Variants in ENAH observed in about 807,000 individuals in gnomAD.
ENAH encodes the protein ENAH actin regulator.
Under a neutral mutation model 78.7 loss-of-function variants are expected in ENAH, and 23 were observed. The ratio of observed to expected loss-of-function variants is 0.29; its 90% CI spans 0.21 to 0.41. ENAH has a LOEUF of 0.41. Ranked by LOEUF, ENAH falls within the 10% of genes least tolerant of loss-of-function variation. The probability of loss-of-function intolerance (pLI) is 1.00; values close to 1 mark genes in which losing one functional copy is unlikely to be tolerated. For missense variants in ENAH, 544 were observed against 691.0 expected (o/e 0.79, Z 2.39); for synonymous variants, 226 against 241.0 (o/e 0.94, Z 0.58).
At chr1:225,593,098 CTATCA>C (rs578055065) in intron 1 of ENAH, among the ~76,000 whole-genome samples, 34 of 152,158 alleles carry the variant, frequency 2.2e-4, no homozygotes, top group East Asian at 9.6e-4. Context: ...ATAGCTATAA[CTATCA>C]TATAACAAAA....
At chr1:225,497,852 A>G (rs1401981148) in intron 13 of ENAH, 40 bp from the exon 14 acceptor site, 1 of 1,552,896 alleles carries the variant, frequency 6.4e-7, no homozygotes, top group Non-Finnish European at 8.9e-7. Flanking sequence ...AAATATAATG[A>G]TAAAGTAAGA....
At chr1:225,519,803 A>G (rs889439203) in intron 4 of ENAH, among the ~76,000 whole-genome samples, 3 of 152,170 alleles carry the variant, frequency 2.0e-5, no homozygotes, top group African/African-American at 7.2e-5. Context: ...CTAACATTTC[A>G]TTTTATTCTG....
intron 3 of ENAH, among the ~76,000 whole-genome samples, chr1:225,546,737 T>A (rs138112778): frequency 6.6e-6 from 1 of 152,302 alleles, no homozygotes; most frequent in African/African-American, 2.4e-5. Flanking sequence ...CCTTTTATAC[T>A]GTAATTAACC....
At chr1:225,644,216 T>C (rs1005924696) in intron 1 of ENAH, among the ~76,000 whole-genome samples, 16 of 152,174 alleles carry the variant, frequency 1.1e-4, no homozygotes, top group African/African-American at 3.9e-4. Flanking sequence ...TAAAATCTGT[T>C]CAAAATCTGT....
chr1:225,620,178 T>C (rs1656546342), intron 1 of ENAH, among the ~76,000 whole-genome samples: 1 of 151,938 alleles, frequency 6.6e-6, no homozygotes, highest in African/African-American at 2.4e-5. Flanking sequence ...TAATGTGATC[T>C]AGTATCTCTG....
At chr1:225,525,720 G>A (rs1446540647) in intron 4 of ENAH, among the ~76,000 whole-genome samples, 1 of 152,162 alleles carries the variant, frequency 6.6e-6, no homozygotes. Context: ...TCTTCCAATA[G>A]CTTCTTAGGA....
At chr1:225,543,280 T>C (rs756743969) in intron 3 of ENAH, among the ~76,000 whole-genome samples, 2 of 152,198 alleles carry the variant, frequency 1.3e-5, no homozygotes, top group African/African-American at 4.8e-5. Context: ...TGAGTATTTC[T>C]GAATAGGAAA....
At chr1:225,646,828 T>C (rs1662055568) in intron 1 of ENAH, among the ~76,000 whole-genome samples, 1 of 152,040 alleles carries the variant, frequency 6.6e-6, no homozygotes, top group African/African-American at 2.4e-5. Flanking sequence ...TTTTCTGTTG[T>C]TTAAGCCACC....
At chr1:225,560,482 C>CAA (rs111277597) in intron 2 of ENAH, among the ~76,000 whole-genome samples, 7 of 122,276 alleles carry the variant, frequency 5.7e-5, no homozygotes, top group South Asian at 2.5e-4. Context: ...CAGAGTGAGA[C>CAA]AAAAAAAAAA....
intron 11 of ENAH, among the ~76,000 whole-genome samples, chr1:225,505,299 C>T (rs901258494): frequency 1.3e-5 from 2 of 152,044 alleles, no homozygotes; most frequent in Non-Finnish European, 2.9e-5. Flanking sequence ...GTTGTAGGCA[C>T]AGTAAGTATA....
At chr1:225,640,237 T>G (rs1660796473) in intron 1 of ENAH, among the ~76,000 whole-genome samples, 1 of 152,242 alleles carries the variant, frequency 6.6e-6, no homozygotes, top group Non-Finnish European at 1.5e-5. Context: ...CAACCAACAC[T>G]TGATTCATTC....
At chr1:225,502,810 A>G (rs1191284584) in intron 11 of ENAH, among the ~76,000 whole-genome samples, 3 of 152,164 alleles carry the variant, frequency 2.0e-5, no homozygotes, top group Non-Finnish European at 4.4e-5. Context: ...ATATTCTTAA[A>G]GTTTAGGATG....
At chr1:225,600,170 T>C (rs1159483321) in intron 1 of ENAH, among the ~76,000 whole-genome samples, 1 of 152,206 alleles carries the variant, frequency 6.6e-6, no homozygotes, top group East Asian at 1.9e-4. Flanking sequence ...CAGCTATTTC[T>C]TTAGAGCAAC....
At chr1:225,516,842 C>A (rs1368476125) in intron 6 of ENAH, among the ~76,000 whole-genome samples, 1 of 151,154 alleles carries the variant, frequency 6.6e-6, no homozygotes, top group African/African-American at 2.4e-5. Flanking sequence ...CCACTCTACT[C>A]CAGCCTGGGC....
intron 7 of ENAH, among the ~76,000 whole-genome samples, chr1:225,513,219 GCAATGAAACAGTAT>G (rs1376963050): frequency 1.3e-5 from 2 of 152,084 alleles, no homozygotes; most frequent in African/African-American, 2.4e-5. Context: ...CACCAAGAAT[GCAATGAAACAGTAT>G]CATGTATCTC....
At chr1:225,636,920 C>A (rs550038110) in intron 1 of ENAH, among the ~76,000 whole-genome samples, 1 of 152,062 alleles carries the variant, frequency 6.6e-6, no homozygotes, top group African/African-American at 2.4e-5. Flanking sequence ...CTGGAACAAT[C>A]ACTAAAGACA....
chr1:225,520,007 G>A (rs1348350290), intron 4 of ENAH, among the ~76,000 whole-genome samples: 1 of 152,064 alleles, frequency 6.6e-6, no homozygotes, highest in African/African-American at 2.4e-5. Context: ...AATATTTACT[G>A]AATGGGCCAG....
chr1:225,533,973 G>T (rs79377463), intron 3 of ENAH, among the ~76,000 whole-genome samples: 6,545 of 152,086 alleles, frequency 0.043, 230 homozygotes, highest in South Asian at 0.11. Flanking sequence ...ATAATGGGGG[G>T]AAATCTACTT....
intron 13 of ENAH, 126 bp downstream of exon 13, chr1:225,498,221 A>G: frequency 1.4e-6 from 1 of 717,576 alleles, no homozygotes; most frequent in South Asian, 1.8e-5. Context: ...TAATCCTAAA[A>G]GGGCAGGACT....
Sources: allele counts gnomAD v4.1 joint callset (sites outside exome capture counted in the v4.1 genomes callset), GRCh38; gene constraint gnomAD v4.1.1; transcripts MANE v1.5; gene names NCBI Gene and HGNC (gene_info 2026-07-23, HGNC 2026-07-21).